The following RHPN2 variants were observed in gnomAD, a reference collection of about 807,000 sequenced individuals.
The protein encoded by RHPN2 is rhophilin-2.
In RHPN2, 40 loss-of-function variants were observed where a neutral mutation model predicts 79.0. The observed-to-expected ratio is 0.51, with a 90% CI of 0.39 to 0.66. RHPN2 has a LOEUF of 0.66. Ranked by LOEUF, RHPN2 falls within the 30% of genes least tolerant of loss-of-function variation. The probability of loss-of-function intolerance (pLI) is 0.00; values close to 1 mark genes in which losing one functional copy is unlikely to be tolerated. For synonymous variants in RHPN2, 285 were observed against 363.5 expected (o/e 0.78, Z 2.46); for missense variants, 686 against 883.5 (o/e 0.78, Z 2.83).
At chr19:33,023,580 G>A (rs1971942058) in intron 3 of RHPN2, among the ~76,000 whole-genome samples, 1 of 151,802 alleles carries the variant, frequency 6.6e-6, no homozygotes, top group African/African-American at 2.4e-5. Flanking sequence ...GAGGTCAGGA[G>A]ATCGAGACCA....
chr19:32,989,480 C>G (rs997659259), intron 14 of RHPN2, among the ~76,000 whole-genome samples: 6 of 152,180 alleles, frequency 3.9e-5, no homozygotes, highest in African/African-American at 1.4e-4. Flanking sequence ...CCAAATCTCC[C>G]AGGACATGGC....
At chr19:33,061,006 A>T (rs1036869136) in intron 1 of RHPN2, among the ~76,000 whole-genome samples, 1 of 152,066 alleles carries the variant, frequency 6.6e-6, no homozygotes, top group African/African-American at 2.4e-5. Flanking sequence ...TCTTTTTCTT[A>T]CACAAATCTC....
chr19:33,032,640 C>G (rs1412481237), intron 2 of RHPN2, among the ~76,000 whole-genome samples: 1 of 152,094 alleles, frequency 6.6e-6, no homozygotes, highest in Non-Finnish European at 1.5e-5. Context: ...CATTACACAC[C>G]ACAGGTCACA....
At chr19:33,013,296 G>A (rs1971851799) in intron 4 of RHPN2, among the ~76,000 whole-genome samples, 1 of 151,996 alleles carries the variant, frequency 6.6e-6, no homozygotes, top group African/African-American at 2.4e-5. Flanking sequence ...CCAGGCTCAA[G>A]TGATTCTCGT....
intron 1 of RHPN2, among the ~76,000 whole-genome samples, chr19:33,053,189 A>G (rs1972203536): frequency 6.6e-6 from 1 of 151,914 alleles, no homozygotes; most frequent in African/African-American, 2.4e-5. Flanking sequence ...AGGTTTCACC[A>G]TGTTGGCCAG....
At position 33,040,436 on chromosome 19, in the gene RHPN2, C is replaced by T. The variant is rs554956146; in HGVS notation, c.185+3813G>A. On this transcript the variant is annotated intron_variant, in intron 2 of 14. Transcript: ENST00000254260. ...ATTTTTAGTTTTAGAGATGGGGTTT[C>T]ACCATGTTGGCCAGGATGGTCTCGA... Among the ~76,000 whole-genome samples, 865 of 151,892 alleles carry T rather than the reference C, an allele frequency of 5.7e-3. 6 individuals carry two copies. Among genetic ancestry groups the T allele is most frequent in the African/African-American group, 0.02 (840 of 41,456 alleles).
At chr19:33,038,519 C>T (rs938348069) in intron 2 of RHPN2, among the ~76,000 whole-genome samples, 6 of 152,050 alleles carry the variant, frequency 3.9e-5, no homozygotes, top group African/African-American at 1.2e-4. Flanking sequence ...GACGGAGTCT[C>T]GCTCTGTCAC....
At chr19:33,051,597 T>C in intron 1 of RHPN2, 1 of 180,164 alleles carries the variant, frequency 5.6e-6, no homozygotes. Flanking sequence ...AACAACTAAA[T>C]GTGTGCCCAG....
intron 7 of RHPN2, among the ~76,000 whole-genome samples, chr19:33,007,784 C>G (rs923579578): frequency 1.1e-4 from 17 of 150,370 alleles, no homozygotes; most frequent in Admixed American, 9.3e-4. Context: ...AGTCTGGCCT[C>G]GATCTCCTGA....
At chr19:33,056,687 C>T (rs1405609956) in intron 1 of RHPN2, among the ~76,000 whole-genome samples, 1 of 152,094 alleles carries the variant, frequency 6.6e-6, no homozygotes, top group African/African-American at 2.4e-5. Flanking sequence ...TCTTATAGAG[C>T]TGTACCTCTG....
chr19:32,990,137 T>G (rs376726159), intron 14 of RHPN2, among the ~76,000 whole-genome samples: 40 of 17,882 alleles, frequency 2.2e-3, no homozygotes, highest in African/African-American at 8.6e-3. Flanking sequence ...AGAAAATGAA[T>G]AAAGAAAGAA....
At chr19:33,034,038 A>ATTTTAGTTTTTTT (rs1351731517) in intron 2 of RHPN2, among the ~76,000 whole-genome samples, 1 of 151,246 alleles carries the variant, frequency 6.6e-6, no homozygotes, top group African/African-American at 2.4e-5. Flanking sequence ...TTTTTTTTTA[A>ATTTTAGTTTTTTT]TAGAGTCAGG....
chr19:32,988,226 AAAC>A (rs1568309089), intron 14 of RHPN2, among the ~76,000 whole-genome samples: 2 of 113,316 alleles, frequency 1.8e-5, no homozygotes, highest in Non-Finnish European at 3.3e-5. Context: ...AAAAAAAACA[AAAC>A]AAACAAAACA....
At chr19:33,029,106 C>T (rs556016481) in intron 2 of RHPN2, among the ~76,000 whole-genome samples, 30 of 151,894 alleles carry the variant, frequency 2.0e-4, no homozygotes, top group Non-Finnish European at 4.1e-4. Context: ...CGCCACCGCA[C>T]TCCAGCCTGG....
At chr19:33,034,959 T>C (rs1412315278) in intron 2 of RHPN2, among the ~76,000 whole-genome samples, 1 of 151,836 alleles carries the variant, frequency 6.6e-6, no homozygotes, top group East Asian at 1.9e-4. Context: ...TTTATTTTAG[T>C]TTTTATTTTT....
At chr19:33,058,651 G>A (rs1262861279) in intron 1 of RHPN2, among the ~76,000 whole-genome samples, 2 of 151,906 alleles carry the variant, frequency 1.3e-5, no homozygotes, top group Admixed American at 6.6e-5. Context: ...GTGGTGGCAC[G>A]CGCCTGTAGT....
Position 32,991,840 on chromosome 19 carries a change from G to A in RHPN2, c.1627C>T (p.Pro543Ser). The A allele has an allele frequency of 6.2e-7, 1 of 1,613,978 alleles. No homozygotes were observed. Among genetic ancestry groups the A allele is most frequent in the Non-Finnish European group, 8.5e-7 (1 of 1,179,870 alleles). The change falls in exon 13 of 15, where the codon CCT (proline) becomes TCT (serine). Residue 543 changes from proline (P) to serine (S), a missense_variant. Coordinates refer to ENST00000254260, the MANE Select transcript of RHPN2 (RefSeq NM_033103.5). Reference protein sequence around the residue: ...NAPVQVHFLDPYCSASVAGAR... With the variant: ...NAPVQVHFLDSYCSASVAGAR... ...GTGCTTACCGAGGCAGAGCAGTAAG[G>A]ATCCAGGAAGTGAACCTGAACGGGG...
chr19:32,984,395 C>T lies in RHPN2; in HGVS notation c.1801-4139G>A, dbSNP rs539951643. Among the ~76,000 whole-genome samples the T allele has an allele frequency of 1.3e-3, 200 of 152,286 alleles. 2 individuals are homozygous for T. Among genetic ancestry groups the T allele is most frequent in the African/African-American group, 4.6e-3 (192 of 41,574 alleles). On this transcript the variant is annotated intron_variant, in intron 14 of 14. Coordinates refer to ENST00000254260, the MANE Select transcript of RHPN2 (RefSeq NM_033103.5). ...GCCAGGGGCTGGGCATGGTGGCTCACTCCTGTAATCCCAGCACTTTTGGGA... is the reference window on the plus strand; with the variant it reads ...GCCAGGGGCTGGGCATGGTGGCTCATTCCTGTAATCCCAGCACTTTTGGGA...
intron 1 of RHPN2, 50 bp from the exon 2 acceptor site, chr19:33,044,414 G>C: frequency 8.6e-7 from 1 of 1,156,912 alleles, no homozygotes. Flanking sequence ...CTCTAAAAAT[G>C]ATGACAGGGT....
Sources: gnomAD v4.1 joint callset for allele counts (sites outside exome capture counted in the v4.1 genomes callset) on GRCh38, gnomAD v4.1.1 for gene constraint, MANE v1.5 for transcripts, NCBI Gene and HGNC (gene_info 2026-07-23, HGNC 2026-07-21) for gene names.